The following SMARCA2 variants were observed in gnomAD, a reference collection of about 807,000 sequenced individuals.
SMARCA2 encodes the protein SWI/SNF related BAF chromatin remodeling complex subunit ATPase 2.
A neutral mutation model predicts 199.8 loss-of-function variants in SMARCA2; 61 were observed. The observed-to-expected ratio is 0.31, with a 90% CI of 0.25 to 0.38. SMARCA2 has a LOEUF of 0.38. SMARCA2 is among the 10% of genes least tolerant of loss of function. The pLI is 1.00. For synonymous variants in SMARCA2, 935 were observed against 732.0 expected, an observed-to-expected ratio of 1.28 and a Z score of -4.48; for missense variants, 1,344 against 2,012.2, an observed-to-expected ratio of 0.67 and a Z score of 6.35.
chr9:2,024,220 C>T (rs1019749166), intron 1 of SMARCA2, among the ~76,000 whole-genome samples: 15 of 152,044 alleles, frequency 9.9e-5, no homozygotes, highest in Non-Finnish European at 1.5e-5. Flanking sequence ...AACTTGAAGG[C>T]CTTGCTGAAA....
intron 27 of SMARCA2, among the ~76,000 whole-genome samples, chr9:2,125,149 T>G (rs910295017): frequency 6.6e-6 from 1 of 152,156 alleles, no homozygotes; most frequent in Non-Finnish European, 1.5e-5. Context: ...GGATGTTGTA[T>G]GATGAGAGGG....
Position 2,170,525 on chromosome 9 carries a change from C to A in SMARCA2, c.4253+53C>A. On this transcript the variant is annotated intron_variant, in intron 29 of 33. Coordinates refer to ENST00000349721, the MANE Select transcript of SMARCA2 (RefSeq NM_003070.5). The surrounding 1 kb of genome is among the most constrained non-coding windows in gnomAD (Gnocchi z 4.7). ...CTCTAAATACAGGTATCCCTCGTTA[C>A]GTGAAACAGATTGAATCATATAATC... is the stretch of plus-strand genomic sequence containing the variant. The A allele has an allele frequency of 6.2e-7, 1 of 1,612,878 alleles. No individual in the cohort carries two copies. The highest frequency in any genetic ancestry group is 2.2e-5 in the East Asian group (1 of 44,846).
intron 29 of SMARCA2, among the ~76,000 whole-genome samples, chr9:2,180,610 TTTGTGAAAA>T (rs1826956652): frequency 6.6e-6 from 1 of 152,184 alleles, no homozygotes; most frequent in African/African-American, 2.4e-5. Flanking sequence ...GAGTGAGACT[TTTGTGAAAA>T]ATGACTGTAT....
intron 1 of SMARCA2, among the ~76,000 whole-genome samples, chr9:2,024,727 C>T (rs968158964): frequency 6.6e-6 from 1 of 152,150 alleles, no homozygotes; most frequent in Non-Finnish European, 1.5e-5. Flanking sequence ...CTTGCTAGAT[C>T]CGTGTCATAG....
chr9:2,125,583 G>A (rs1823651980), intron 27 of SMARCA2, among the ~76,000 whole-genome samples: 1 of 150,040 alleles, frequency 6.7e-6, no homozygotes, highest in Non-Finnish European at 1.5e-5. Flanking sequence ...TCTGCCTACC[G>A]GGTTCAAGGG....
At chr9:2,038,693 C>G (rs568263687) in intron 3 of SMARCA2, among the ~76,000 whole-genome samples, 2 of 152,214 alleles carry the variant, frequency 1.3e-5, no homozygotes, top group South Asian at 4.1e-4. Flanking sequence ...CCTTCCCTTC[C>G]TTATATTACC....
intron 32 of SMARCA2, 28 bp downstream of exon 32, chr9:2,186,256 A>C (rs749728465): frequency 6.2e-7 from 1 of 1,601,914 alleles, no homozygotes; most frequent in African/African-American, 1.3e-5. Context: ...GGTCCTGTAC[A>C]TCTTTGCCCC....
intron 28 of SMARCA2, among the ~76,000 whole-genome samples, chr9:2,164,010 G>A (rs769583333): frequency 1.3e-5 from 2 of 152,050 alleles, no homozygotes; most frequent in South Asian, 4.1e-4. Context: ...ACTTTGCCCA[G>A]CTCTCCCTAA....
chr9:2,079,998 A>G (rs1027086089), intron 14 of SMARCA2: 1 of 152,146 alleles, frequency 6.6e-6, no homozygotes, highest in African/African-American at 2.4e-5. Context: ...CTCTGGATTT[A>G]TACCTTATGA....
intron 10 of SMARCA2, among the ~76,000 whole-genome samples, chr9:2,072,834 G>T (rs1821150032): frequency 6.6e-6 from 1 of 152,228 alleles, no homozygotes; most frequent in African/African-American, 2.4e-5. Context: ...ACAGGCTGTG[G>T]CTGGGAGCAG....
At chr9:2,088,401 T>G in intron 18 of SMARCA2, 99 bp from the exon 19 acceptor site, 1 of 1,356,462 alleles carries the variant, frequency 7.4e-7, no homozygotes, top group East Asian at 2.6e-5. Context: ...ATGTAAAATG[T>G]CAATCATGTA....
intron 5 of SMARCA2, among the ~76,000 whole-genome samples, chr9:2,050,256 T>C (rs1820056138): frequency 6.6e-6 from 1 of 152,182 alleles, no homozygotes; most frequent in African/African-American, 2.4e-5. Context: ...TTTTTGACCA[T>C]CTTTCTCTTA....
intron 27 of SMARCA2, among the ~76,000 whole-genome samples, chr9:2,143,233 T>A (rs1824551155): frequency 1.3e-5 from 2 of 152,106 alleles, no homozygotes; most frequent in African/African-American, 2.4e-5. Flanking sequence ...TACGAAGGCT[T>A]GGAAATACGT....
At chr9:2,127,619 C>G (rs373818129) in intron 27 of SMARCA2, among the ~76,000 whole-genome samples, 4 of 152,294 alleles carry the variant, frequency 2.6e-5, no homozygotes, top group South Asian at 2.1e-4. Flanking sequence ...TGGGCCCTGC[C>G]TAAATGGTTA....
chr9:2,038,907 C>T (rs1819452606), intron 3 of SMARCA2, among the ~76,000 whole-genome samples: 1 of 152,194 alleles, frequency 6.6e-6, no homozygotes, highest in African/African-American at 2.4e-5. Context: ...GTTCGCTCTT[C>T]ACCTAAGAAA....
chr9:2,027,522 T>G (rs1818885979), intron 1 of SMARCA2, among the ~76,000 whole-genome samples: 1 of 152,210 alleles, frequency 6.6e-6, no homozygotes, highest in African/African-American at 2.4e-5. Flanking sequence ...ACTCTGCAGT[T>G]GATTCATCAG....
chr9:2,107,906 A>G (rs536326919), intron 23 of SMARCA2, among the ~76,000 whole-genome samples: 1 of 152,304 alleles, frequency 6.6e-6, no homozygotes, highest in Admixed American at 6.5e-5. Context: ...CCAAGCATAA[A>G]GATGGAAGAA....
At chr9:2,021,692 T>C (rs1818606998) in intron 1 of SMARCA2, among the ~76,000 whole-genome samples, 1 of 152,192 alleles carries the variant, frequency 6.6e-6, no homozygotes, top group African/African-American at 2.4e-5. Context: ...AGTCCAAAAT[T>C]CTGTAAAAAA....
chr9:2,073,517 G>T, intron 11 of SMARCA2, 49 bp from the exon 12 acceptor site: 1 of 1,532,330 alleles, frequency 6.5e-7, no homozygotes, highest in Non-Finnish European at 9.0e-7. Flanking sequence ...TTATTGTATT[G>T]TAATTTAAAA....
Sources: gnomAD v4.1 joint callset for allele counts (sites outside exome capture counted in the v4.1 genomes callset) on GRCh38, gnomAD v4.1.1 for gene constraint, Gnocchi (gnomAD v3.1) non-coding constraint, MANE v1.5 for transcripts, NCBI Gene and HGNC (gene_info 2026-07-23, HGNC 2026-07-21) for gene names.